The following MAN2B1 variants were observed in gnomAD, a reference collection of about 807,000 sequenced individuals.
The protein encoded by MAN2B1 is mannosidase alpha class 2B member 1.
MAN2B1 carries 99 observed loss-of-function variants against 127.5 expected under a neutral mutation model. The observed-to-expected ratio is 0.78, with a 90% CI of 0.66 to 0.92. MAN2B1 has a LOEUF of 0.92. Among genes scored for constraint, MAN2B1 ranks in the 40% least tolerant of loss-of-function variants. The pLI, the probability that MAN2B1 is intolerant of heterozygous loss-of-function variation, is 0.00. For missense variants in MAN2B1, 1,304 were observed against 1,384.8 expected (o/e 0.94, Z 0.93); for synonymous variants, 573 against 568.8 (o/e 1.01, Z -0.11).
chr19:12,663,901 CTGCT>C (rs1282769541), intron 4 of MAN2B1, 66 bp from the exon 5 acceptor site: 1 of 1,606,758 alleles, frequency 6.2e-7, no homozygotes, highest in African/African-American at 1.3e-5. Flanking sequence ...AAACTCCCCT[CTGCT>C]TGGGAGGGGC....
chr19:12,662,985 GC>G (rs2024143643), intron 6 of MAN2B1, among the ~76,000 whole-genome samples: 1 of 148,968 alleles, frequency 6.7e-6, no homozygotes, highest in South Asian at 2.1e-4. Flanking sequence ...AAAAATAGAG[GC>G]CAGGTGCGGT....
chr19:12,659,858 A>G (rs991047292), intron 7 of MAN2B1, among the ~76,000 whole-genome samples: 2 of 152,104 alleles, frequency 1.3e-5, no homozygotes, highest in Non-Finnish European at 2.9e-5. Context: ...AAAAGAAAAA[A>G]TAAATAAAAA....
At chr19:12,654,103 C>T (rs916247008) in intron 14 of MAN2B1, among the ~76,000 whole-genome samples, 2 of 148,780 alleles carry the variant, frequency 1.3e-5, no homozygotes, top group African/African-American at 2.5e-5. Flanking sequence ...AATGCAGTGG[C>T]GCCATCTCAG....
rs2023876614 is a variant in MAN2B1, at chr19:12,652,981, A to T, written c.1831-521T>A. 2.6e-5 allele frequency among the ~76,000 whole-genome samples: 4 copies of T among 151,200 alleles called. No individual in the cohort carries two copies. In the South Asian group the frequency reaches 8.4e-4, roughly 32 times the overall value. ...CCTGGGTAGCTGGGATTACAGGCACATGCCACCATGCCTGGCTAATTTTTG... is the reference window on the plus strand; with the variant it reads ...CCTGGGTAGCTGGGATTACAGGCACTTGCCACCATGCCTGGCTAATTTTTG... On this transcript the variant is annotated intron_variant, in intron 14 of 23. Transcript: ENST00000456935.
Position 12,665,693 on chromosome 19 carries a change from C to T in MAN2B1, c.262+10G>A, listed in dbSNP as rs2024216791. 6.2e-7 allele frequency: 1 copy of T among 1,612,738 alleles called. No individual in the cohort carries two copies. Among genetic ancestry groups the T allele is most frequent in the Non-Finnish European group, 8.5e-7 (1 of 1,178,714 alleles). ...GGGATCCCAGGGACCAGTCCCCATCCTCTACTCACTTCCATAAAAGTACTG... is the reference window on the plus strand; with the variant it reads ...GGGATCCCAGGGACCAGTCCCCATCTTCTACTCACTTCCATAAAAGTACTG... On this transcript the variant is annotated intron_variant, in intron 2 of 23. Coordinates refer to ENST00000456935, the MANE Select transcript of MAN2B1 (RefSeq NM_000528.4).
intron 6 of MAN2B1, among the ~76,000 whole-genome samples, chr19:12,662,578 C>T (rs1320915404): frequency 5.3e-5 from 8 of 149,720 alleles, no homozygotes; most frequent in East Asian, 2.0e-4. Flanking sequence ...TGCAGTGAGC[C>T]GAGATCGTGC....
intron 6 of MAN2B1, among the ~76,000 whole-genome samples, chr19:12,661,694 G>C (rs1324395759): frequency 6.6e-6 from 1 of 152,018 alleles, no homozygotes; most frequent in Admixed American, 6.6e-5. Context: ...TCTTCCTCCA[G>C]GGGGCATGAG....
chr19:12,666,411 C>T (rs2024242253), intron 1 of MAN2B1, 132 bp downstream of exon 1: 1 of 1,007,006 alleles, frequency 9.9e-7, no homozygotes, highest in Non-Finnish European at 1.5e-6. Flanking sequence ...ACACAAAGCA[C>T]GCACTCAGAC....
Position 12,658,300 on chromosome 19 carries a change from T to C in MAN2B1, c.1154A>G (p.His385Arg), listed in dbSNP as rs751774033. 36 of 1,613,978 alleles carry C rather than the reference T, an allele frequency of 2.2e-5. No homozygotes were observed. The South Asian group carries it at 3.3e-4, about 15-fold the overall frequency. ...DDFFPYADGP[H>R]QFWTGYFSSR... Reference sequence around the variant, plus strand: ...GGAAAAGTAACCGGTCCAGAACTGGTGGGGGCCATCCGCGTAAGGGAAGAA... The same window carrying C: ...GGAAAAGTAACCGGTCCAGAACTGGCGGGGGCCATCCGCGTAAGGGAAGAA... Residue 385 changes from histidine to arginine, a missense_variant, in exon 9 of 24, where the codon CAC (histidine) becomes CGC (arginine). Coordinates refer to ENST00000456935, the MANE Select transcript of MAN2B1 (RefSeq NM_000528.4).
At chr19:12,655,453 C>T (rs2023933028) in intron 14 of MAN2B1, among the ~76,000 whole-genome samples, 1 of 152,236 alleles carries the variant, frequency 6.6e-6, no homozygotes, top group Non-Finnish European at 1.5e-5. Context: ...CGAACCACCA[C>T]CTGCCACCAA....
intron 14 of MAN2B1, among the ~76,000 whole-genome samples, chr19:12,652,966 T>G (rs766786043): frequency 1.3e-5 from 2 of 151,712 alleles, no homozygotes; most frequent in Non-Finnish European, 2.9e-5. Flanking sequence ...CCTGGGTAGC[T>G]GGGATTACAG....
chr19:12,659,189 C>T (rs2024045730), intron 7 of MAN2B1, among the ~76,000 whole-genome samples: 1 of 151,786 alleles, frequency 6.6e-6, no homozygotes, highest in Non-Finnish European at 1.5e-5. Flanking sequence ...TGGAGGTGCA[C>T]TTTCACCTGA....
At chr19:12,663,910 A>AG (rs2024168304) in intron 4 of MAN2B1, 75 bp from the exon 5 acceptor site, 13 of 1,593,186 alleles carry the variant, frequency 8.2e-6, no homozygotes, top group Non-Finnish European at 1.1e-5. Flanking sequence ...TCTGCTTGGG[A>AG]GGGGCAGGTC....
rs375598352 is a variant in MAN2B1 at position 12,649,354 on chromosome 19, C to T, written c.2342G>A (p.Arg781Gln). 15 of 1,613,144 alleles carry T rather than the reference C, an allele frequency of 9.3e-6. No homozygotes were observed. Among genetic ancestry groups the T allele is most frequent in the African/African-American group, 4.0e-5 (3 of 74,752 alleles). ...VAGNYYPVNT[R>Q]IYITDGNMQL... ...GGGGAGAGCTACCGTGATGTAAATC[C>T]GGGTGTTGACTGGATAGTAGTTTCC... Residue 781 changes from arginine to glutamine, a missense_variant, in exon 19 of 24, where the codon CGG becomes CAG. Physicochemically the swap from Arg to Gln is conservative, Grantham distance 43. Transcript: ENST00000456935.
chr19:12,646,773 A>G (rs1177611802), intron 23 of MAN2B1, 41 bp from the exon 24 acceptor site: 1 of 1,356,092 alleles, frequency 7.4e-7, no homozygotes, highest in Admixed American at 1.7e-5. Flanking sequence ...GGAGGTGCAG[A>G]CTTCCTCTGA....
chr19:12,665,690 A>C lies in MAN2B1; in HGVS notation c.262+13T>G. 1 of 1,612,242 alleles carries C rather than the reference A, an allele frequency of 6.2e-7. No individual in the cohort carries two copies. Among genetic ancestry groups the C allele is most frequent in the East Asian group, 2.2e-5 (1 of 44,876 alleles). On this transcript the variant is annotated intron_variant, in intron 2 of 23. Transcript: ENST00000456935. Reference sequence around the variant, plus strand: ...ATGGGGATCCCAGGGACCAGTCCCCATCCTCTACTCACTTCCATAAAAGTA... The same window carrying C: ...ATGGGGATCCCAGGGACCAGTCCCCCTCCTCTACTCACTTCCATAAAAGTA...
At chr19:12,656,417 AT>A in intron 13 of MAN2B1, 153 bp downstream of exon 13, 1 of 648,702 alleles carries the variant, frequency 1.5e-6, no homozygotes, top group South Asian at 1.7e-5. Context: ...GGGGAGACTG[AT>A]ATTAAGGGGC....
Position 12,658,319 on chromosome 19 carries a change from G to A in MAN2B1, c.1135C>T (p.Pro379Ser), listed in dbSNP as rs752789448. 37 of 1,614,082 alleles carry A rather than the reference G, an allele frequency of 2.3e-5. 1 individual carries two copies. The South Asian group carries it at 4.1e-4, about 18-fold the overall frequency. ...AACTGGTGGGGGCCATCCGCGTAAG[G>A]GAAGAAGTCGTCATGTTTCACTGAC... The part of the protein sequence containing the change: ...TWSVKHDDFF[P>S]YADGPHQFWT... Residue 379 changes from proline (P) to serine (S), a missense_variant, in exon 9 of 24, where the codon CCT becomes TCT. Coordinates refer to ENST00000456935, the MANE Select transcript of MAN2B1 (RefSeq NM_000528.4).
rs376856949 is a variant in MAN2B1 at position 12,646,711 on chromosome 19, G to A, written c.2945C>T (p.Pro982Leu). The A allele has an allele frequency of 3.3e-5, 53 of 1,614,000 alleles. No individual in the cohort carries two copies. Among genetic ancestry groups the A allele is most frequent in the South Asian group, 7.7e-5 (7 of 91,076 alleles). The change falls in exon 24 of 24, where the codon CCG becomes CTG. Residue 982 changes from proline to leucine, a missense_variant. Transcript: ENST00000456935. ...GATGTTGGCCGGGTCCAGCTGGTACGGAGTTTGGTGGGGTGTGGGGCCTGG... is the reference window on the plus strand; with the variant it reads ...GATGTTGGCCGGGTCCAGCTGGTACAGAGTTTGGTGGGGTGTGGGGCCTGG... ...TNTGPTPHQTPYQLDPANITL... is the reference protein window; with the variant it reads ...TNTGPTPHQTLYQLDPANITL...
Sources: gnomAD v4.1 joint callset for allele counts (sites outside exome capture counted in the v4.1 genomes callset) on GRCh38, gnomAD v4.1.1 for gene constraint, MANE v1.5 for transcripts, NCBI Gene and HGNC (gene_info 2026-07-23, HGNC 2026-07-21) for gene names.